The following FLYWCH2 variants were observed in gnomAD, a reference collection of about 807,000 sequenced individuals.
FLYWCH2 encodes FLYWCH family member 2.
Under a neutral mutation model 6.0 loss-of-function variants are expected in FLYWCH2, and 2 were observed. The ratio of observed to expected loss-of-function variants is 0.33; its 90% CI spans 0.14 to 1.04. The LOEUF is 1.04. Ranked by LOEUF, FLYWCH2 falls within the 50% of genes least tolerant of loss-of-function variation. The pLI, the probability that FLYWCH2 is intolerant of heterozygous loss-of-function variation, is 0.45. For synonymous variants in FLYWCH2, 87 were observed against 79.3 expected, an observed-to-expected ratio of 1.10 and a Z score of -0.52; for missense variants, 192 against 183.4, an observed-to-expected ratio of 1.05 and a Z score of -0.27.
intron 1 of FLYWCH2, among the ~76,000 whole-genome samples, chr16:2,894,870 C>T (rs908127136): frequency 6.6e-5 from 10 of 152,140 alleles, no homozygotes; most frequent in Non-Finnish European, 1.0e-4. Context: ...GGGTGCTGGG[C>T]ATGGACCCCT....
chr16:2,891,925 C>T (rs1033712955), intron 1 of FLYWCH2, among the ~76,000 whole-genome samples: 2 of 151,934 alleles, frequency 1.3e-5, no homozygotes, highest in African/African-American at 4.8e-5. Context: ...GGCACGGTGG[C>T]TCATGCCTGT....
At chr16:2,885,292 G>A (rs2069686123) in intron 1 of FLYWCH2, among the ~76,000 whole-genome samples, 1 of 152,072 alleles carries the variant, frequency 6.6e-6, no homozygotes, top group South Asian at 2.1e-4. Flanking sequence ...ACTCCAGCCT[G>A]GGCGACAGAG....
At position 2,899,087 on chromosome 16, in the gene FLYWCH2, C is replaced by A. The variant is rs1008534715; in HGVS notation, c.361C>A (p.Pro121Thr). ...AGAAGACAGTGGATTAGCAGCGGGG[C>A]CTCCTGAGGCTGCTGGGGAGAACTT... ...RTEDSGLAAG[P>T]PEAAGENFAP... The change falls in exon 4 of 4, where the codon CCT becomes ACT. Residue 121 changes from proline (P) to threonine (T), a missense_variant. Physicochemically the swap from Pro to Thr is conservative, Grantham distance 38. Coordinates refer to ENST00000396958, the MANE Select transcript of FLYWCH2 (RefSeq NM_138439.3). 2.5e-6 allele frequency: 4 copies of A among 1,613,622 alleles called. No individual in the cohort carries two copies. Among genetic ancestry groups the A allele is most frequent in the Admixed American group, 3.3e-5 (2 of 59,930 alleles).
chr16:2,892,812 C>T (rs558502109), intron 1 of FLYWCH2, among the ~76,000 whole-genome samples: 5 of 148,522 alleles, frequency 3.4e-5, no homozygotes, highest in Admixed American at 6.7e-5. Flanking sequence ...CCACTGCACT[C>T]CAGCCTGGCG....
In FLYWCH2 at chr16:2,883,251, C is replaced by G. The variant is rs1324800444; in HGVS notation, c.-315C>G. 6.6e-6 allele frequency: 1 copy of G among 152,296 alleles called. No homozygotes were observed. The highest frequency in any genetic ancestry group is 1.5e-5 in the Non-Finnish European group (1 of 68,082). The allele number at this position is 152,296 out of a possible 1,614,324, so 9.4% of individuals were successfully genotyped here. A position where few individuals can be genotyped will look rare whatever the true frequency, so the allele number is the denominator to read the frequency against. The stretch of plus-strand genomic sequence containing the variant: ...CACCCGCGGCCTTGCTGCGCATGCT[C>G]GCGCTGTGACCCCGGCTTGAGGTAA... On this transcript the variant is annotated 5_prime_UTR_variant, in exon 1 of 4. Coordinates refer to ENST00000396958, the MANE Select transcript of FLYWCH2 (RefSeq NM_138439.3).
At chr16:2,889,839 C>A (rs902441484) in intron 1 of FLYWCH2, among the ~76,000 whole-genome samples, 1 of 152,138 alleles carries the variant, frequency 6.6e-6, no homozygotes, top group African/African-American at 2.4e-5. Flanking sequence ...TAATCAAGAA[C>A]TTTGGGAGGC....
At chr16:2,893,525 CT>C (rs1165941075) in intron 1 of FLYWCH2, among the ~76,000 whole-genome samples, 1 of 151,852 alleles carries the variant, frequency 6.6e-6, no homozygotes, top group South Asian at 2.1e-4. Context: ...ATTTTCCTGA[CT>C]TTTCGCTTTG....
chr16:2,883,746 G>A (rs2069666635), intron 1 of FLYWCH2, among the ~76,000 whole-genome samples: 1 of 152,240 alleles, frequency 6.6e-6, no homozygotes. Context: ...GTGAGATACT[G>A]GGGCGGGGGA....
intron 3 of FLYWCH2, 70 bp downstream of exon 3, chr16:2,896,841 T>G: frequency 7.1e-7 from 1 of 1,402,758 alleles, no homozygotes; most frequent in African/African-American, 1.4e-5. Flanking sequence ...CCGCGCTGGC[T>G]CCATCAGGCG....
chr16:2,884,051 C>T (rs1238581749), intron 1 of FLYWCH2, among the ~76,000 whole-genome samples: 1 of 152,108 alleles, frequency 6.6e-6, no homozygotes, highest in East Asian at 1.9e-4. Flanking sequence ...CCTTAGTGTC[C>T]CGTCATCCTG....
At position 2,896,669 on chromosome 16, in the gene FLYWCH2, G is replaced by A. The variant is rs1016409780; in HGVS notation, c.220G>A (p.Ala74Thr). The A allele has an allele frequency of 1.1e-5, 17 of 1,612,906 alleles. No individual in the cohort carries two copies. Among genetic ancestry groups the A allele is most frequent in the East Asian group, 2.2e-5 (1 of 44,870 alleles). ...CATGTCCCTGGGGGTGCCCGGCCCC[G>A]CCACCCTTGCCAAGGCCCTCCTCCA... ...CVMSLGVPGP[A>T]TLAKALLQTH... is the part of the protein sequence containing the mutation. The change falls in exon 3 of 4, where the codon GCC becomes ACC. Residue 74 changes from alanine to threonine, a missense_variant. Coordinates refer to ENST00000396958, the MANE Select transcript of FLYWCH2 (RefSeq NM_138439.3).
chr16:2,893,521 C>T (rs2069782397), intron 1 of FLYWCH2, among the ~76,000 whole-genome samples: 1 of 152,024 alleles, frequency 6.6e-6, no homozygotes. Context: ...TTTTATTTTC[C>T]TGACTTTTCG....
At chr16:2,884,061 G>T (rs1176534498) in intron 1 of FLYWCH2, among the ~76,000 whole-genome samples, 2 of 152,168 alleles carry the variant, frequency 1.3e-5, no homozygotes, top group Non-Finnish European at 1.5e-5. Context: ...CCGTCATCCT[G>T]TCGGGGTCAA....
At chr16:2,889,366 A>G (rs1315183973) in intron 1 of FLYWCH2, among the ~76,000 whole-genome samples, 1 of 151,472 alleles carries the variant, frequency 6.6e-6, no homozygotes, top group African/African-American at 2.4e-5. Context: ...GCCTGCCACC[A>G]TGCCCGGCTA....
At chr16:2,898,231 G>GCCTCCATC (rs368181431) in intron 3 of FLYWCH2, among the ~76,000 whole-genome samples, 8 of 152,258 alleles carry the variant, frequency 5.3e-5, no homozygotes, top group African/African-American at 1.4e-4. Context: ...GGACCCCTCG[G>GCCTCCATC]CCTCCATCCC....
intron 1 of FLYWCH2, among the ~76,000 whole-genome samples, chr16:2,893,263 G>A (rs954349435): frequency 3.9e-5 from 6 of 152,092 alleles, no homozygotes; most frequent in African/African-American, 7.2e-5. Flanking sequence ...TGGAGGAGGG[G>A]CTGAAAGTCC....
chr16:2,891,744 G>A (rs2069760539), intron 1 of FLYWCH2, among the ~76,000 whole-genome samples: 1 of 151,674 alleles, frequency 6.6e-6, no homozygotes, highest in African/African-American at 2.4e-5. Context: ...TTTTTATAGT[G>A]ATGAGGTCTC....
At chr16:2,886,178 ATTG>A (rs1228401018) in intron 1 of FLYWCH2, among the ~76,000 whole-genome samples, 3 of 151,370 alleles carry the variant, frequency 2.0e-5, no homozygotes, top group African/African-American at 4.9e-5. Context: ...TATTATTATT[ATTG>A]TTATTATTTT....
chr16:2,899,267 TC>T lies in FLYWCH2; in HGVS notation c.*119del. On this transcript the variant is annotated 3_prime_UTR_variant, in exon 4 of 4. Transcript: ENST00000396958. The stretch of plus-strand genomic sequence containing the variant: ...GCTTTTAACATTGTGTGATTTCTTT[TC>T]TTTTTTTTTTTTTTTTTAGATCAAG... 8 of 501,498 alleles carry T rather than the reference TC, an allele frequency of 1.6e-5. No homozygotes were observed. The highest frequency in any genetic ancestry group is 9.4e-5 in the South Asian group (3 of 31,814). The allele number at this position is 501,498 out of a possible 1,614,324, so 31.1% of individuals were successfully genotyped here.
Sources: gnomAD v4.1 joint callset for allele counts (sites outside exome capture counted in the v4.1 genomes callset) on GRCh38, gnomAD v4.1.1 for gene constraint, MANE v1.5 for transcripts, NCBI Gene and HGNC (gene_info 2026-07-23, HGNC 2026-07-21) for gene names.